GRIP1: variants seen among roughly 807,000 people sequenced by gnomAD.
The protein encoded by GRIP1 is glutamate receptor-interacting protein 1.
A neutral mutation model predicts 129.9 loss-of-function variants in GRIP1; 45 were observed. The ratio of observed to expected loss-of-function variants is 0.35; its 90% CI spans 0.27 to 0.44. The LOEUF (loss-of-function observed/expected upper bound fraction) is 0.44, where lower values mean the gene tolerates loss of function less well. GRIP1 is among the 20% of genes least tolerant of loss of function. The pLI, the probability that GRIP1 is intolerant of heterozygous loss-of-function variation, is 1.00. For synonymous variants in GRIP1, 530 were observed against 520.8 expected (o/e 1.02, Z -0.24); for missense variants, 1,196 against 1,396.8 (o/e 0.86, Z 2.29).
intron 2 of GRIP1, chr12:66,568,883 C>T: frequency 2.0e-6 from 1 of 494,930 alleles, no homozygotes; most frequent in Non-Finnish European, 4.0e-6. Context: ...CTGTCTTATG[C>T]AGTTGAGTAG....
chr12:66,507,353 G>A (rs1313528611), intron 7 of GRIP1, among the ~76,000 whole-genome samples: 1 of 152,062 alleles, frequency 6.6e-6, no homozygotes, highest in African/African-American at 2.4e-5. Flanking sequence ...CAGGAGAATG[G>A]CGTGAACCCA....
chr12:67,060,824 C>A (rs1381757592), intron 1 of GRIP1, among the ~76,000 whole-genome samples: 93 of 104,706 alleles, frequency 8.9e-4, no homozygotes, highest in African/African-American at 2.2e-3. Flanking sequence ...AACTCCGTCT[C>A]AAAAAAAAAA....
intron 1 of GRIP1, among the ~76,000 whole-genome samples, chr12:67,043,000 G>C (rs1016790697): frequency 6.6e-6 from 1 of 152,168 alleles, no homozygotes; most frequent in Non-Finnish European, 1.5e-5. Context: ...AGGATCCCAG[G>C]GTGGTGCCAT....
intron 1 of GRIP1, among the ~76,000 whole-genome samples, chr12:66,814,023 G>A (rs2039156378): frequency 6.6e-6 from 1 of 152,080 alleles, no homozygotes; most frequent in African/African-American, 2.4e-5. Context: ...TACTATGATA[G>A]GAATAATGGT....
chr12:67,035,182 T>C (rs1446798461), intron 1 of GRIP1, among the ~76,000 whole-genome samples: 2 of 152,170 alleles, frequency 1.3e-5, no homozygotes, highest in African/African-American at 4.8e-5. Context: ...TTGAATGTAA[T>C]ACCAGCCTAC....
intron 1 of GRIP1, among the ~76,000 whole-genome samples, chr12:67,000,001 T>G (rs1348062556): frequency 1.3e-5 from 2 of 152,164 alleles, no homozygotes; most frequent in Admixed American, 6.6e-5. Flanking sequence ...CTCAAAGATT[T>G]CTCTTTCTTG....
intron 5 of GRIP1, 138 bp from the exon 6 acceptor site, chr12:66,518,114 A>C (rs1242024105): frequency 8.5e-6 from 6 of 705,514 alleles, no homozygotes; most frequent in Non-Finnish European, 1.6e-5. Flanking sequence ...GAGGCATACA[A>C]AAGCCTTAAA....
intron 1 of GRIP1, among the ~76,000 whole-genome samples, chr12:66,650,877 T>C (rs2136140650): frequency 6.6e-6 from 1 of 152,308 alleles, no homozygotes; most frequent in Admixed American, 6.5e-5. Flanking sequence ...CAGCTTCAAA[T>C]CTAGCAGCAT....
At chr12:66,824,586 C>T (rs964846584) in intron 1 of GRIP1, among the ~76,000 whole-genome samples, 2 of 152,164 alleles carry the variant, frequency 1.3e-5, no homozygotes, top group African/African-American at 4.8e-5. Context: ...TCCATTTCTC[C>T]TTCAATGTGT....
intron 1 of GRIP1, among the ~76,000 whole-genome samples, chr12:66,689,123 G>C (rs2034887476): frequency 1.3e-5 from 2 of 152,316 alleles, no homozygotes. Flanking sequence ...ACCAAATTGA[G>C]GCCAGATACT....
rs181562103 is a variant in GRIP1 at position 66,887,552 on chromosome 12, G to C, written c.58+181498C>G. 1.4e-4 allele frequency among the ~76,000 whole-genome samples: 21 copies of C among 152,174 alleles called. No individual in the cohort carries two copies. The East Asian group carries it at 2.1e-3, about 15-fold the overall frequency. On this transcript the variant is annotated intron_variant, in intron 1 of 1. Transcript: ENST00000643019. The stretch of plus-strand genomic sequence containing the variant: ...ATAGATATCTCCATCTAGGTCTTTT[G>C]TGTTTTCTTTTCTAGAGGTCAAGAA...
chr12:66,776,327 C>G (rs2037978121), intron 1 of GRIP1, among the ~76,000 whole-genome samples: 1 of 152,102 alleles, frequency 6.6e-6, no homozygotes, highest in Non-Finnish European at 1.5e-5. Context: ...AATAAGAGAA[C>G]AAATTGACTA....
At chr12:66,538,423 T>C (rs1197721061) in intron 4 of GRIP1, among the ~76,000 whole-genome samples, 1 of 151,896 alleles carries the variant, frequency 6.6e-6, no homozygotes, top group African/African-American at 2.4e-5. Flanking sequence ...CTTCAACTCC[T>C]GGCTTCAAGT....
At chr12:66,837,749 G>A (rs1202669804) in intron 1 of GRIP1, among the ~76,000 whole-genome samples, 1 of 152,160 alleles carries the variant, frequency 6.6e-6, no homozygotes, top group East Asian at 1.9e-4. Context: ...CAATGGTCCA[G>A]GCATAGTTGA....
chr12:66,736,346 ATTTTTTTTTTTTT>A (rs547706592), intron 1 of GRIP1, among the ~76,000 whole-genome samples: 61 of 67,006 alleles, frequency 9.1e-4, no homozygotes, highest in Admixed American at 1.1e-3. Context: ...TGCCTGGCTA[ATTTTTTTTTTTTT>A]TTTTTTTTTT....
intron 7 of GRIP1, among the ~76,000 whole-genome samples, chr12:66,489,377 C>T (rs2061823296): frequency 6.6e-6 from 1 of 152,132 alleles, no homozygotes; most frequent in South Asian, 2.1e-4. Flanking sequence ...ACAAAAACCA[C>T]ATAATTATCT....
intron 7 of GRIP1, among the ~76,000 whole-genome samples, chr12:66,486,783 C>G (rs1366423499): frequency 2.2e-5 from 2 of 90,646 alleles, no homozygotes; most frequent in Non-Finnish European, 4.2e-5. Context: ...TAAGAAAAAG[C>G]AGGTCTCAAT....
intron 1 of GRIP1, chr12:66,891,995 A>G (rs2040667584): frequency 6.6e-6 from 1 of 152,306 alleles, no homozygotes; most frequent in African/African-American, 2.4e-5. Context: ...GATAGTAAAA[A>G]TCAAGGGCCT....
At chr12:67,007,374 T>C (rs1261845521) in intron 1 of GRIP1, among the ~76,000 whole-genome samples, 1 of 152,218 alleles carries the variant, frequency 6.6e-6, no homozygotes, top group South Asian at 2.1e-4. Context: ...ATCCACAATA[T>C]GTGTATGAAT....
Sources: gnomAD v4.1 joint callset for allele counts (sites outside exome capture counted in the v4.1 genomes callset) on GRCh38, gnomAD v4.1.1 for gene constraint, MANE v1.5 for transcripts, NCBI Gene and HGNC (gene_info 2026-07-23, HGNC 2026-07-21) for gene names.